The following LAMA2 variants were observed in gnomAD, a reference collection of about 807,000 sequenced individuals.
The protein encoded by LAMA2 is laminin subunit alpha-2.
Under a neutral mutation model 364.8 loss-of-function variants are expected in LAMA2, and 269 were observed. The ratio of observed to expected loss-of-function variants is 0.74; its 90% CI spans 0.67 to 0.82. The LOEUF (loss-of-function observed/expected upper bound fraction) is 0.82, where lower values mean the gene tolerates loss of function less well. LAMA2 is among the 40% of genes least tolerant of loss of function. The pLI is 0.00. For missense variants in LAMA2, 3,807 were observed against 3,873.2 expected (o/e 0.98, Z 0.45); for synonymous variants, 1,379 against 1,370.6 (o/e 1.01, Z -0.14).
At chr6:129,148,430 G>C (rs1462892290) in intron 6 of LAMA2, among the ~76,000 whole-genome samples, 1 of 152,038 alleles carries the variant, frequency 6.6e-6, no homozygotes, top group Admixed American at 6.6e-5. Context: ...CAGGTGTACA[G>C]ATGATCAGTG....
intron 1 of LAMA2, among the ~76,000 whole-genome samples, chr6:128,906,839 C>T (rs1457675875): frequency 2.7e-5 from 4 of 150,574 alleles, no homozygotes; most frequent in African/African-American, 9.8e-5. Flanking sequence ...GATCCAGTTT[C>T]AGCTTTCTAC....
chr6:129,307,565 T>C (rs1773955861), intron 22 of LAMA2, among the ~76,000 whole-genome samples: 2 of 152,242 alleles, frequency 1.3e-5, no homozygotes, highest in African/African-American at 4.8e-5. Flanking sequence ...AAATTGCCTC[T>C]GTACACTGCT....
intron 1 of LAMA2, among the ~76,000 whole-genome samples, chr6:128,992,518 A>C (rs1156477632): frequency 6.6e-6 from 1 of 152,192 alleles, no homozygotes; most frequent in Non-Finnish European, 1.5e-5. Flanking sequence ...ATGGTTTGCA[A>C]ATGGCAAGGC....
chr6:129,163,950 T>C (rs1165513826), intron 8 of LAMA2, among the ~76,000 whole-genome samples: 1 of 152,226 alleles, frequency 6.6e-6, no homozygotes. Flanking sequence ...CTCGGACATA[T>C]TTACAGAACT....
chr6:129,328,444 C>G lies in LAMA2; in HGVS notation c.4311+32C>G, dbSNP rs148912474. ...CTCTGAGCCTTCCTTGAACAAGGTC[C>G]ATGTGCTCATTCCTCTTTACACATG... is the stretch of plus-strand genomic sequence containing the variant. On this transcript the variant is annotated intron_variant, in intron 29 of 64. Coordinates refer to ENST00000421865, the MANE Select transcript of LAMA2 (RefSeq NM_000426.4). The G allele has an allele frequency of 1.9e-4, 312 of 1,613,982 alleles. 1 individual carries two copies. The African/African-American group carries it at 2.9e-3, about 15-fold the overall frequency.
intron 1 of LAMA2, among the ~76,000 whole-genome samples, chr6:128,919,965 C>T (rs1342714942): frequency 6.6e-6 from 1 of 152,048 alleles, no homozygotes; most frequent in African/African-American, 2.4e-5. Flanking sequence ...CTGCCCTGTG[C>T]AGTTCTCTCC....
At chr6:129,237,331 CTGTTGT>C (rs75386790) in intron 12 of LAMA2, among the ~76,000 whole-genome samples, 6 of 150,560 alleles carry the variant, frequency 4.0e-5, no homozygotes, top group Admixed American at 2.0e-4. Flanking sequence ...CATTGTTTTT[CTGTTGT>C]TGTTGTTGTT....
intron 11 of LAMA2, among the ~76,000 whole-genome samples, chr6:129,191,999 C>G (rs953109781): frequency 6.6e-6 from 1 of 152,174 alleles, no homozygotes; most frequent in African/African-American, 2.4e-5. Flanking sequence ...TTTAAGGTTC[C>G]TTCCATTTCT....
intron 44 of LAMA2, among the ~76,000 whole-genome samples, chr6:129,444,679 CAT>C (rs1336650408): frequency 6.6e-6 from 1 of 152,148 alleles, no homozygotes; most frequent in Non-Finnish European, 1.5e-5. Context: ...CCTTTGAGCA[CAT>C]GTGATTCGTT....
chr6:129,214,549 T>C (rs1021292502), intron 12 of LAMA2, among the ~76,000 whole-genome samples: 2 of 152,196 alleles, frequency 1.3e-5, no homozygotes, highest in Non-Finnish European at 2.9e-5. Context: ...CCTTTCTTCA[T>C]TGAATTCCCT....
At chr6:129,274,517 C>G (rs1788167652) in intron 17 of LAMA2, among the ~76,000 whole-genome samples, 2 of 151,752 alleles carry the variant, frequency 1.3e-5, no homozygotes, top group South Asian at 4.2e-4. Flanking sequence ...AATCCCTGGT[C>G]ATAAATCTTA....
chr6:129,351,830 C>G (rs1293602775), intron 31 of LAMA2, among the ~76,000 whole-genome samples: 1 of 152,128 alleles, frequency 6.6e-6, no homozygotes, highest in African/African-American at 2.4e-5. Flanking sequence ...ATGCTACTTT[C>G]AGTATTTGTA....
chr6:129,201,329 A>T (rs1228396450), intron 12 of LAMA2, among the ~76,000 whole-genome samples: 1 of 152,206 alleles, frequency 6.6e-6, no homozygotes, highest in Non-Finnish European at 1.5e-5. Context: ...CATACAAGGG[A>T]AGAGGAACCT....
At chr6:128,983,369 G>T (rs111947347) in intron 1 of LAMA2, among the ~76,000 whole-genome samples, 310 of 152,168 alleles carry the variant, frequency 2.0e-3, no homozygotes, top group African/African-American at 7.1e-3. Context: ...GCCAGTGATG[G>T]TGAGCATTTT....
At chr6:129,367,757 G>A (rs1777856713) in intron 33 of LAMA2, among the ~76,000 whole-genome samples, 1 of 152,088 alleles carries the variant, frequency 6.6e-6, no homozygotes, top group Non-Finnish European at 1.5e-5. Flanking sequence ...GAAAAGCTAG[G>A]CAATTGACTG....
chr6:129,212,070 T>C (rs2115074411), intron 12 of LAMA2, among the ~76,000 whole-genome samples: 1 of 152,346 alleles, frequency 6.6e-6, no homozygotes, highest in Middle Eastern at 3.4e-3. Context: ...TTTAAGTTCC[T>C]TTGTCTGTCT....
chr6:129,108,315 C>G (rs1775950630), intron 4 of LAMA2, among the ~76,000 whole-genome samples: 2 of 152,018 alleles, frequency 1.3e-5, no homozygotes, highest in African/African-American at 4.8e-5. Flanking sequence ...GTCAGTTGTG[C>G]AATAGACTTG....
At chr6:129,209,732 G>A (rs904277858) in intron 12 of LAMA2, among the ~76,000 whole-genome samples, 2 of 152,010 alleles carry the variant, frequency 1.3e-5, no homozygotes, top group Admixed American at 6.6e-5. Context: ...GGCCGGGCGC[G>A]GTGGCTCACG....
At chr6:128,988,343 A>AATAAGTG (rs1364332459) in intron 1 of LAMA2, among the ~76,000 whole-genome samples, 1 of 152,184 alleles carries the variant, frequency 6.6e-6, no homozygotes, top group Admixed American at 6.5e-5. Context: ...ATGGGGTAAG[A>AATAAGTG]ATAAGTGATG....
Sources: gnomAD v4.1 joint callset for allele counts (sites outside exome capture counted in the v4.1 genomes callset) on GRCh38, gnomAD v4.1.1 for gene constraint, MANE v1.5 for transcripts, NCBI Gene and HGNC (gene_info 2026-07-23, HGNC 2026-07-21) for gene names.